SYN3: variants seen among roughly 807,000 people sequenced by gnomAD.
SYN3 encodes the protein synapsin III, also known as synapsin-3.
Under a neutral mutation model 65.8 loss-of-function variants are expected in SYN3, and 35 were observed. That is an observed-to-expected ratio of 0.53 (90% CI 0.41 to 0.70). The LOEUF (loss-of-function observed/expected upper bound fraction) is 0.70. Ranked by LOEUF, SYN3 falls within the 30% of genes least tolerant of loss-of-function variation. The pLI is 0.00. For synonymous variants in SYN3, 270 were observed against 292.9 expected, an observed-to-expected ratio of 0.92 and a Z score of 0.80; for missense variants, 680 against 749.0, an observed-to-expected ratio of 0.91 and a Z score of 1.08.
At chr22:33,030,866 CAT>C (rs2053741357) in intron 1 of SYN3, among the ~76,000 whole-genome samples, 1 of 151,530 alleles carries the variant, frequency 6.6e-6, no homozygotes, top group African/African-American at 2.4e-5. Flanking sequence ...GACAGAGATA[CAT>C]AGAGACAAAT....
chr22:32,933,597 TTTTG>T lies in SYN3; in HGVS notation c.370-2120_370-2117del, dbSNP rs926378026. Reference sequence around the variant, plus strand: ...GTATCTGCCACCACACCCAGCTAATTTTTGTTTGTTTGTTTGTTTTTTAGTAGAA... The same window carrying T: ...GTATCTGCCACCACACCCAGCTAATTTTTGTTTGTTTGTTTTTTAGTAGAA... On this transcript the variant is annotated intron_variant, in intron 3 of 13. Transcript: ENST00000358763. Among the ~76,000 whole-genome samples, 71 of 151,992 alleles carry T rather than the reference TTTTG, an allele frequency of 4.7e-4. 1 individual carries two copies. The highest frequency in any genetic ancestry group is 1.7e-3 in the African/African-American group (69 of 41,370).
intron 6 of SYN3, among the ~76,000 whole-genome samples, chr22:32,688,629 G>A (rs1032827255): frequency 3.5e-4 from 53 of 151,958 alleles, no homozygotes; most frequent in African/African-American, 1.1e-3. Flanking sequence ...TTCATTCCAC[G>A]TCTCTGTACC....
chr22:32,926,139 A>G (rs2050463696), intron 4 of SYN3, among the ~76,000 whole-genome samples: 1 of 152,312 alleles, frequency 6.6e-6, no homozygotes, highest in African/African-American at 2.4e-5. Flanking sequence ...GGCGTAAGCC[A>G]TTGTGCCCAG....
chr22:32,754,342 G>A (rs902341678), intron 6 of SYN3, among the ~76,000 whole-genome samples: 7 of 152,132 alleles, frequency 4.6e-5, no homozygotes, highest in Non-Finnish European at 8.8e-5. Context: ...AGTAGAGACG[G>A]GGTTTCACCA....
At chr22:32,951,548 TA>T (rs1348837396) in intron 3 of SYN3, among the ~76,000 whole-genome samples, 3 of 152,226 alleles carry the variant, frequency 2.0e-5, no homozygotes, top group Non-Finnish European at 4.4e-5. Context: ...TCTCAGCTCC[TA>T]AAACAGTGCC....
chr22:32,716,100 G>T (rs2061035773), intron 6 of SYN3, among the ~76,000 whole-genome samples: 1 of 152,148 alleles, frequency 6.6e-6, no homozygotes, highest in Non-Finnish European at 1.5e-5. Context: ...ACAAAGATGT[G>T]GATGGGACAA....
chr22:32,796,466 AATTTT>A (rs531002012), intron 6 of SYN3, among the ~76,000 whole-genome samples: 1 of 152,170 alleles, frequency 6.6e-6, no homozygotes, highest in South Asian at 2.1e-4. Flanking sequence ...GAGCTGGGGC[AATTTT>A]ACTGCCATGA....
chr22:32,911,705 T>C (rs77067800), intron 4 of SYN3, among the ~76,000 whole-genome samples: 2 of 151,974 alleles, frequency 1.3e-5, no homozygotes, highest in African/African-American at 4.8e-5. Context: ...CAAACCATCA[T>C]GTGGTGAACA....
chr22:32,549,051 G>T lies in SYN3; in HGVS notation c.775-7338C>A, dbSNP rs367878742. Among the ~76,000 whole-genome samples the T allele has an allele frequency of 2.6e-4, 40 of 152,044 alleles. 1 individual carries two copies. Among genetic ancestry groups the T allele is most frequent in the Admixed American group, 2.6e-3 (40 of 15,266 alleles). ...TCCTCTGGCCAGAGGAGGCATTTGGGATAAGAAGGTATGTAGGGCGGACTG... is the reference window on the plus strand; with the variant it reads ...TCCTCTGGCCAGAGGAGGCATTTGGTATAAGAAGGTATGTAGGGCGGACTG... On this transcript the variant is annotated intron_variant, in intron 7 of 13. Coordinates refer to ENST00000358763, the MANE Select transcript of SYN3 (RefSeq NM_003490.4).
intron 4 of SYN3, among the ~76,000 whole-genome samples, chr22:32,917,560 G>A (rs2050217690): frequency 6.6e-6 from 1 of 152,220 alleles, no homozygotes; most frequent in Non-Finnish European, 1.5e-5. Context: ...GTCAGGGCAG[G>A]ACAGGTTCTT....
At chr22:32,733,861 G>A (rs1445136793) in intron 6 of SYN3, among the ~76,000 whole-genome samples, 8 of 152,186 alleles carry the variant, frequency 5.3e-5, no homozygotes, top group Non-Finnish European at 1.2e-4. Context: ...TCTGGACAAG[G>A]AGGGGCATTA....
At chr22:32,516,067 G>T (rs2146057986) in intron 13 of SYN3, among the ~76,000 whole-genome samples, 1 of 152,198 alleles carries the variant, frequency 6.6e-6, no homozygotes, top group Non-Finnish European at 1.5e-5. Flanking sequence ...CAAAGTGTTG[G>T]GATTACAGGC....
At position 32,645,107 on chromosome 22, in the gene SYN3, A is replaced by C. The variant is rs79228043; in HGVS notation, c.712-48371T>G. ...CAGAGGTGAAACTGTGCCTTTTGACAGTGACATTCCTTCCTTCAAAACACT... is the reference window on the plus strand; with the variant it reads ...CAGAGGTGAAACTGTGCCTTTTGACCGTGACATTCCTTCCTTCAAAACACT... On this transcript the variant is annotated intron_variant, in intron 6 of 13. Transcript: ENST00000358763. Among the ~76,000 whole-genome samples, 472 of 152,350 alleles carry C rather than the reference A, an allele frequency of 3.1e-3. 5 individuals are homozygous for C. In the East Asian group the frequency reaches 0.04, roughly 13 times the overall value.
At chr22:33,021,786 T>TTA (rs1556183407) in intron 1 of SYN3, among the ~76,000 whole-genome samples, 7 of 14,160 alleles carry the variant, frequency 4.9e-4, no homozygotes, top group Admixed American at 3.4e-3. Flanking sequence ...TGTAACTTAT[T>TTA]TTTTTTTTTT....
At chr22:33,016,006 C>T (rs953517768) in intron 1 of SYN3, among the ~76,000 whole-genome samples, 4 of 151,998 alleles carry the variant, frequency 2.6e-5, no homozygotes, top group African/African-American at 9.7e-5. Context: ...CCACGCCCAG[C>T]TAATTTTTTT....
chr22:32,513,777 TGG>T lies in SYN3; in HGVS notation c.1656_1657del (p.Gln553AlafsTer6), dbSNP rs765159576. 1 of 1,614,164 alleles carries T rather than the reference TGG, an allele frequency of 6.2e-7. No homozygotes were observed. The highest frequency in any genetic ancestry group is 1.1e-5 in the South Asian group (1 of 91,070). On this transcript the variant is annotated frameshift_variant, in exon 14 of 14. Coordinates refer to ENST00000358763, the MANE Select transcript of SYN3 (RefSeq NM_003490.4). LOFTEE classifies it high-confidence loss of function. ...CTCGTCTTCACTTGGGGTCCCACGC[TGG>T]GAGGTGTCGGATGTGCTGAGGCTGT...
At position 32,806,964 on chromosome 22, in the gene SYN3, A is replaced by G. The variant is rs533064662; in HGVS notation, c.711+57951T>C. Among the ~76,000 whole-genome samples, 3 of 152,194 alleles carry G rather than the reference A, an allele frequency of 2.0e-5. No individual in the cohort carries two copies. In the East Asian group the frequency reaches 5.8e-4, roughly 29 times the overall value. On this transcript the variant is annotated intron_variant, in intron 6 of 13. Transcript: ENST00000358763. ...AAACATGAATAGTAGAACATTAAAC[A>G]TCATGGAATACCACATAATACCACA...
chr22:32,942,192 C>T (rs1043385369), intron 3 of SYN3, among the ~76,000 whole-genome samples: 2 of 152,158 alleles, frequency 1.3e-5, no homozygotes, highest in Non-Finnish European at 2.9e-5. Context: ...TGGGAGGCAC[C>T]CCCAAGTAGG....
intron 6 of SYN3, among the ~76,000 whole-genome samples, chr22:32,785,785 T>C (rs1355263779): frequency 6.6e-6 from 1 of 152,152 alleles, no homozygotes; most frequent in East Asian, 1.9e-4. Context: ...TCTGTTTCTG[T>C]GTCCACCAGG....
Sources: gnomAD v4.1 joint callset for allele counts (sites outside exome capture counted in the v4.1 genomes callset) on GRCh38, gnomAD v4.1.1 for gene constraint, MANE v1.5 for transcripts, NCBI Gene and HGNC (gene_info 2026-07-23, HGNC 2026-07-21) for gene names.